Variants in S100Z observed in about 807,000 individuals in gnomAD.
The protein encoded by S100Z is protein S100-Z.
S100Z carries 11 observed loss-of-function variants against 8.5 expected under a neutral mutation model. The ratio of observed to expected loss-of-function variants is 1.30; its 90% CI spans 0.82 to 2.15. S100Z has a LOEUF of 2.15. S100Z is among the 30% of genes most tolerant of loss of function. The pLI is 0.00. For synonymous variants in S100Z, 34 were observed against 43.8 expected, an observed-to-expected ratio of 0.78 and a Z score of 0.89; for missense variants, 126 against 117.9, an observed-to-expected ratio of 1.07 and a Z score of -0.32.
At chr5:76,936,363 A>G in the S100Z span, among the ~76,000 whole-genome samples, 1 of 152,166 alleles carries the variant, frequency 6.6e-6, no homozygotes, top group Non-Finnish European at 1.5e-5. Context: ...TTATTTTTAT[A>G]AGAAAAATTA....
chr5:76,944,139 T>C, the S100Z span, among the ~76,000 whole-genome samples: 2 of 152,102 alleles, frequency 1.3e-5, no homozygotes, highest in Non-Finnish European at 2.9e-5. Context: ...GGCTTGGGCT[T>C]TTAGAGGCCA....
In S100Z at chr5:76,898,002, A is replaced by G. The variant is rs544403590; in HGVS notation, c.*2+20168A>G. Among the ~76,000 whole-genome samples the G allele has an allele frequency of 2.6e-5, 4 of 152,312 alleles. No individual in the cohort carries two copies. In the South Asian group the frequency reaches 8.3e-4, roughly 32 times the overall value. On this transcript the variant is annotated intron_variant, in intron 4 of 4. Coordinates refer to ENST00000317593, the MANE Select transcript of S100Z (RefSeq NM_130772.4). ...CTTCTCTTGTCTGATTACTCTAGCT[A>G]GGACTTCCAGTACTATGTTGCATAA... is the stretch of plus-strand genomic sequence containing the variant.
At position 76,880,704 on chromosome 5, in the gene S100Z, T is replaced by A. The variant is rs574442856; in HGVS notation, c.*2+2870T>A. On this transcript the variant is annotated intron_variant, in intron 4 of 4. Transcript: ENST00000317593. ...GTACCCAGGACATCCAATTACAGAGTGTCCAAGGGAGTTCAGCATAATTAT... is the reference window on the plus strand; with the variant it reads ...GTACCCAGGACATCCAATTACAGAGAGTCCAAGGGAGTTCAGCATAATTAT... Among the ~76,000 whole-genome samples, 3 of 152,184 alleles carry A rather than the reference T, an allele frequency of 2.0e-5. No homozygotes were observed. The East Asian group carries it at 5.8e-4, about 29-fold the overall frequency.
chr5:76,864,388 T>A (rs569888937), intron 1 of S100Z, among the ~76,000 whole-genome samples: 304 of 19,964 alleles, frequency 0.015, 2 homozygotes, highest in African/African-American at 0.1. Context: ...CATACTATAT[T>A]TTTTTTTTTT....
chr5:76,916,368 C>A (rs1373080194), intron 4 of S100Z, among the ~76,000 whole-genome samples: 1 of 151,930 alleles, frequency 6.6e-6, no homozygotes, highest in East Asian at 1.9e-4. Context: ...CTTCTCTCAA[C>A]AATTGATAGA....
chr5:76,912,857 G>A (rs76264033), intron 4 of S100Z, among the ~76,000 whole-genome samples: 2 of 148,316 alleles, frequency 1.3e-5, no homozygotes, highest in Non-Finnish European at 3.0e-5. Context: ...AGAGAGAGAG[G>A]AAGAGACAGA....
chr5:76,875,459 C>CT lies in S100Z; in HGVS notation c.101dup (p.Lys35GlufsTer22). 1 of 1,612,380 alleles carries CT rather than the reference C, an allele frequency of 6.2e-7. No homozygotes were observed. Among genetic ancestry groups the CT allele is most frequent in the Non-Finnish European group, 8.5e-7 (1 of 1,179,292 alleles). ...GAGATTCAAGCTCAGCAAGGGGGAA[C>CT]TGAAACTGCTCCTGCAGCGAGAGCT... On this transcript the variant is annotated frameshift_variant, in exon 3 of 5. Transcript: ENST00000317593. LOFTEE classifies it high-confidence loss of function.
intron 4 of S100Z, among the ~76,000 whole-genome samples, chr5:76,902,780 A>T (rs1232874343): frequency 6.6e-6 from 1 of 152,128 alleles, no homozygotes; most frequent in Non-Finnish European, 1.5e-5. Context: ...TTTCCACAGA[A>T]CATTAGGACA....
chr5:76,882,264 A>T (rs1743427270), intron 4 of S100Z, among the ~76,000 whole-genome samples: 1 of 152,214 alleles, frequency 6.6e-6, no homozygotes, highest in African/African-American at 2.4e-5. Context: ...CTGCACACAG[A>T]CATGAAGGCT....
intron 1 of S100Z, among the ~76,000 whole-genome samples, chr5:76,850,454 A>G (rs1750695599): frequency 1.3e-5 from 2 of 152,016 alleles, no homozygotes; most frequent in Non-Finnish European, 1.5e-5. Flanking sequence ...TTTCCTGGTG[A>G]CCATCCTGGC....
At chr5:76,886,706 G>T (rs1321554585) in intron 4 of S100Z, among the ~76,000 whole-genome samples, 1 of 152,200 alleles carries the variant, frequency 6.6e-6, no homozygotes, top group African/African-American at 2.4e-5. Flanking sequence ...AAGGGTGGTG[G>T]ATTATCATTA....
At chr5:76,905,407 A>AGTTTATTTGAG (rs1744391595) in intron 4 of S100Z, among the ~76,000 whole-genome samples, 1 of 151,552 alleles carries the variant, frequency 6.6e-6, no homozygotes, top group African/African-American at 2.4e-5. Context: ...GTTTATTTTT[A>AGTTTATTTGAG]TTTATTTATT....
In S100Z at chr5:76,892,274, G is replaced by C. The variant is rs1456506249; in HGVS notation, c.*2+14440G>C. On this transcript the variant is annotated intron_variant, in intron 4 of 4. Coordinates refer to ENST00000317593, the MANE Select transcript of S100Z (RefSeq NM_130772.4). Reference sequence around the variant, plus strand: ...CTACTCTTTCAGATGAGATCGGTAGGATGGTATGGTTGTAGACCATCCTAC... The same window carrying C: ...CTACTCTTTCAGATGAGATCGGTAGCATGGTATGGTTGTAGACCATCCTAC... 2.0e-5 allele frequency among the ~76,000 whole-genome samples: 3 copies of C among 152,128 alleles called. No homozygotes were observed. The South Asian group carries it at 6.2e-4, about 32-fold the overall frequency.
Position 76,875,501 on chromosome 5 carries a change from G to A in S100Z, c.141+1G>A. The A allele has an allele frequency of 6.2e-7, 1 of 1,606,260 alleles. No homozygotes were observed. The highest frequency in any genetic ancestry group is 8.5e-7 in the Non-Finnish European group (1 of 1,177,010). On this transcript the variant is annotated splice_donor_variant, in intron 3 of 4. Coordinates refer to ENST00000317593, the MANE Select transcript of S100Z (RefSeq NM_130772.4). LOFTEE classifies it high-confidence loss of function. Reference sequence around the variant, plus strand: ...GCGAGAGCTCACGGAATTCCTCTCGGTGAGTCAGGCCTTTGTAAATGCTGT... The same window carrying A: ...GCGAGAGCTCACGGAATTCCTCTCGATGAGTCAGGCCTTTGTAAATGCTGT...
chr5:76,870,544 C>T (rs76949616), intron 2 of S100Z, among the ~76,000 whole-genome samples: 7 of 152,186 alleles, frequency 4.6e-5, no homozygotes, highest in Non-Finnish European at 1.0e-4. Flanking sequence ...GGATGTAGAC[C>T]TTGGTCTATA....
At chr5:76,947,778 C>CA in the S100Z span, among the ~76,000 whole-genome samples, 1 of 152,116 alleles carries the variant, frequency 6.6e-6, no homozygotes, top group Non-Finnish European at 1.5e-5. Context: ...ATAATCTGTT[C>CA]AACAAATGGT....
At chr5:76,853,445 A>C (rs1432076805) in intron 1 of S100Z, among the ~76,000 whole-genome samples, 2 of 152,204 alleles carry the variant, frequency 1.3e-5, no homozygotes, top group African/African-American at 2.4e-5. Flanking sequence ...TTATTTGCTT[A>C]TTCTATTACT....
intron 1 of S100Z, among the ~76,000 whole-genome samples, chr5:76,855,258 G>T (rs1413486796): frequency 6.6e-6 from 1 of 152,228 alleles, no homozygotes; most frequent in Non-Finnish European, 1.5e-5. Flanking sequence ...GCTATGAGAA[G>T]AGGGCCATTG....
At chr5:76,886,560 C>A (rs1743642010) in intron 4 of S100Z, among the ~76,000 whole-genome samples, 2 of 152,210 alleles carry the variant, frequency 1.3e-5, no homozygotes, top group East Asian at 3.9e-4. Context: ...CTGAAGGAGT[C>A]CCGCTGACCG....
Sources: gnomAD v4.1 joint callset for allele counts (sites outside exome capture counted in the v4.1 genomes callset) on GRCh38, gnomAD v4.1.1 for gene constraint, MANE v1.5 for transcripts, NCBI Gene and HGNC (gene_info 2026-07-23, HGNC 2026-07-21) for gene names.